The following GALNT13 variants were observed in gnomAD, a reference collection of about 807,000 sequenced individuals.
GALNT13 encodes polypeptide N-acetylgalactosaminyltransferase 13.
Under a neutral mutation model 64.2 loss-of-function variants are expected in GALNT13, and 28 were observed. The observed-to-expected ratio is 0.44, with a 90% CI of 0.32 to 0.60. The LOEUF (loss-of-function observed/expected upper bound fraction) is 0.60. Ranked by LOEUF, GALNT13 falls within the 20% of genes least tolerant of loss-of-function variation. The probability of loss-of-function intolerance (pLI) is 0.05; values close to 1 mark genes in which losing one functional copy is unlikely to be tolerated. For synonymous variants in GALNT13, 214 were observed against 224.6 expected (o/e 0.95, Z 0.42); for missense variants, 577 against 669.8 (o/e 0.86, Z 1.53).
chr2:153,270,287 C>A, the GALNT13 span, among the ~76,000 whole-genome samples: 16 of 151,402 alleles, frequency 1.1e-4, no homozygotes, highest in Admixed American at 6.6e-5. Flanking sequence ...GTGGGCAAGA[C>A]AAAACTTCTG....
At chr2:153,544,976 G>A in the GALNT13 span, among the ~76,000 whole-genome samples, 2 of 152,318 alleles carry the variant, frequency 1.3e-5, no homozygotes, top group South Asian at 4.1e-4. Context: ...GGGTAGAAAT[G>A]AAAAGAGGTC....
chr2:153,114,549 T>C, the GALNT13 span, among the ~76,000 whole-genome samples: 1 of 152,232 alleles, frequency 6.6e-6, no homozygotes, highest in African/African-American at 2.4e-5. Flanking sequence ...TTTCAGTGTG[T>C]AGAAAAATGT....
intron 8 of GALNT13, chr2:154,287,284 C>T: frequency 1.4e-6 from 1 of 732,630 alleles, no homozygotes; most frequent in Admixed American, 1.9e-5. Flanking sequence ...AGCTGATCCC[C>T]AACTCACTGG....
chr2:153,255,840 T>C, the GALNT13 span, among the ~76,000 whole-genome samples: 2 of 152,244 alleles, frequency 1.3e-5, no homozygotes, highest in African/African-American at 4.8e-5. Context: ...AGATCAGCTG[T>C]TAGTCTGATG....
At chr2:153,427,569 G>A in the GALNT13 span, among the ~76,000 whole-genome samples, 10 of 152,016 alleles carry the variant, frequency 6.6e-5, no homozygotes, top group Admixed American at 6.6e-4. Context: ...GAAAAAAGAT[G>A]GGCATGTATT....
At chr2:153,637,802 T>C in the GALNT13 span, among the ~76,000 whole-genome samples, 1 of 152,230 alleles carries the variant, frequency 6.6e-6, no homozygotes, top group African/African-American at 2.4e-5. Flanking sequence ...ACTGACATGA[T>C]ACAGACTTCA....
At chr2:153,718,882 G>C in the GALNT13 span, among the ~76,000 whole-genome samples, 2 of 152,124 alleles carry the variant, frequency 1.3e-5, no homozygotes, top group African/African-American at 4.8e-5. Flanking sequence ...TTTAAAGTTT[G>C]TATCCAAACC....
At chr2:154,257,898 T>G (rs569391150) in intron 7 of GALNT13, among the ~76,000 whole-genome samples, 1 of 152,290 alleles carries the variant, frequency 6.6e-6, no homozygotes, top group East Asian at 1.9e-4. Flanking sequence ...TAAGTTTCTA[T>G]AGCAGTTTCT....
chr2:153,862,913 T>G, the GALNT13 span, among the ~76,000 whole-genome samples: 2 of 152,128 alleles, frequency 1.3e-5, no homozygotes, highest in East Asian at 3.9e-4. Flanking sequence ...TTAGCTAAGT[T>G]TCACCAAATT....
At chr2:154,286,202 G>A (rs957123358) in intron 8 of GALNT13, among the ~76,000 whole-genome samples, 2 of 152,142 alleles carry the variant, frequency 1.3e-5, no homozygotes, top group Non-Finnish European at 2.9e-5. Flanking sequence ...CTCTGGCTAG[G>A]ATTTCAAGTG....
At chr2:153,795,843 C>T in the GALNT13 span, among the ~76,000 whole-genome samples, 2 of 152,194 alleles carry the variant, frequency 1.3e-5, no homozygotes, top group African/African-American at 2.4e-5. Flanking sequence ...GAGCTACGAA[C>T]ACACGCAGTC....
chr2:153,413,209 C>T, the GALNT13 span, among the ~76,000 whole-genome samples: 10 of 152,174 alleles, frequency 6.6e-5, no homozygotes, highest in Admixed American at 1.3e-4. Context: ...CTTTGCTTCC[C>T]GTATCCTATC....
the GALNT13 span, among the ~76,000 whole-genome samples, chr2:153,350,848 A>G: frequency 6.6e-6 from 1 of 152,340 alleles, no homozygotes; most frequent in South Asian, 2.1e-4. Flanking sequence ...ACCTATTCAT[A>G]TAGCTCACTT....
At position 154,294,536 on chromosome 2, in the gene GALNT13, A is replaced by C. The variant is rs187773297; in HGVS notation, c.976-6873A>C. ...CCTGCCTGTCACAAGGTTTATGACC[A>C]ACACTCTTATGAAAAAGACAGACAG... is the stretch of plus-strand genomic sequence containing the variant. On this transcript the variant is annotated intron_variant, in intron 8 of 12. Coordinates refer to ENST00000392825, the MANE Select transcript of GALNT13 (RefSeq NM_052917.4). Among the ~76,000 whole-genome samples the C allele has an allele frequency of 2.0e-5, 3 of 152,310 alleles. No individual in the cohort carries two copies. The East Asian group carries it at 5.8e-4, about 29-fold the overall frequency.
intron 4 of GALNT13, among the ~76,000 whole-genome samples, chr2:154,162,590 A>G (rs1173982861): frequency 6.6e-6 from 1 of 152,244 alleles, no homozygotes; most frequent in Non-Finnish European, 1.5e-5. Flanking sequence ...AGATGGGGGT[A>G]GACAGAGATA....
the GALNT13 span, among the ~76,000 whole-genome samples, chr2:153,717,381 A>C: frequency 6.6e-6 from 1 of 152,196 alleles, no homozygotes; most frequent in Non-Finnish European, 1.5e-5. Context: ...TTTTTAGTAG[A>C]GATTTAAGCA....
the GALNT13 span, among the ~76,000 whole-genome samples, chr2:153,072,778 T>C: frequency 6.6e-6 from 1 of 152,184 alleles, no homozygotes; most frequent in Non-Finnish European, 1.5e-5. Flanking sequence ...ATTAGTGATG[T>C]CCTTCTTCTG....
chr2:153,147,813 A>T, the GALNT13 span, among the ~76,000 whole-genome samples: 3 of 151,738 alleles, frequency 2.0e-5, no homozygotes, highest in African/African-American at 7.3e-5. Context: ...GGCATTCATT[A>T]GTTGGTCTGC....
At chr2:153,217,667 C>T in the GALNT13 span, among the ~76,000 whole-genome samples, 3 of 129,390 alleles carry the variant, frequency 2.3e-5, no homozygotes, top group South Asian at 2.3e-4. Context: ...CTAGCATTTC[C>T]GTTAATTATT....
Sources: gnomAD v4.1 joint callset for allele counts (sites outside exome capture counted in the v4.1 genomes callset) on GRCh38, gnomAD v4.1.1 for gene constraint, MANE v1.5 for transcripts, NCBI Gene and HGNC (gene_info 2026-07-23, HGNC 2026-07-21) for gene names.